KCNT2: variants seen among roughly 807,000 people sequenced by gnomAD.
KCNT2 encodes potassium sodium-activated channel subfamily T member 2.
In KCNT2, 67 loss-of-function variants were observed where a neutral mutation model predicts 153.8. That is an observed-to-expected ratio of 0.44 (90% CI 0.36 to 0.53). The LOEUF is 0.53. Ranked by LOEUF, KCNT2 falls within the 20% of genes least tolerant of loss-of-function variation. The probability of loss-of-function intolerance (pLI) is 0.00; values close to 1 mark genes in which losing one functional copy is unlikely to be tolerated. For synonymous variants in KCNT2, 500 were observed against 458.8 expected (o/e 1.09, Z -1.15); for missense variants, 975 against 1,354.8 (o/e 0.72, Z 4.40).
At chr1:196,388,131 C>T (rs1670156970) in intron 13 of KCNT2, among the ~76,000 whole-genome samples, 1 of 151,488 alleles carries the variant, frequency 6.6e-6, no homozygotes, top group East Asian at 1.9e-4. Flanking sequence ...ACATTTTTTC[C>T]AGAAGGATAT....
intron 25 of KCNT2, among the ~76,000 whole-genome samples, chr1:196,275,510 A>G (rs907504435): frequency 1.3e-5 from 2 of 151,878 alleles, no homozygotes; most frequent in Middle Eastern, 3.2e-3. Flanking sequence ...TTGATTATCA[A>G]TGTTCTTTAC....
chr1:196,354,218 A>G (rs1160857695), intron 14 of KCNT2, among the ~76,000 whole-genome samples: 1 of 151,870 alleles, frequency 6.6e-6, no homozygotes, highest in South Asian at 2.1e-4. Context: ...ATTGTAAAAT[A>G]TAATCATTAG....
chr1:196,466,997 C>T (rs1435460206), intron 7 of KCNT2, among the ~76,000 whole-genome samples: 1 of 151,952 alleles, frequency 6.6e-6, no homozygotes, highest in Non-Finnish European at 1.5e-5. Flanking sequence ...ACTCACAACC[C>T]CGCTCAAGCA....
chr1:196,249,766 ACT>A, intron 26 of KCNT2, among the ~76,000 whole-genome samples: 1 of 151,278 alleles, frequency 6.6e-6, no homozygotes, highest in East Asian at 1.9e-4. Context: ...CAAGAGTGAG[ACT>A]CTGTCTCAAA....
Position 196,489,837 on chromosome 1 carries a change from C to A in KCNT2, c.275+1G>T. ...TTGAAGGTCAGAAAAAGGTACCTTA[C>A]CATTCATTTCCTTGTGAAGGGTTTT... On this transcript the variant is annotated splice_donor_variant, in intron 3 of 27. Transcript: ENST00000294725. LOFTEE classifies it high-confidence loss of function. 6.9e-7 allele frequency: 1 copy of A among 1,447,794 alleles called. No homozygotes were observed. Among genetic ancestry groups the A allele is most frequent in the Admixed American group, 2.0e-5 (1 of 49,734 alleles). The allele number at this position is 1,447,794 out of a possible 1,614,324, so 89.7% of individuals were successfully genotyped here.
In KCNT2 at chr1:196,473,962, A is replaced by C. The variant is rs1315434959; in HGVS notation, c.385-4894T>G. Among the ~76,000 whole-genome samples the C allele has an allele frequency of 3.9e-5, 6 of 152,136 alleles. No homozygotes were observed. In the East Asian group the frequency reaches 5.8e-4, roughly 15 times the overall value. ...TTTCATGAAGGAGATAAAAAGCATT[A>C]TTCTTCTTCCAAAAAGTAACTTCTT... On this transcript the variant is annotated intron_variant, in intron 5 of 27. Coordinates refer to ENST00000294725, the MANE Select transcript of KCNT2 (RefSeq NM_198503.5).
intron 22 of KCNT2, among the ~76,000 whole-genome samples, chr1:196,301,233 T>C (rs936517331): frequency 7.2e-5 from 11 of 152,188 alleles, no homozygotes; most frequent in African/African-American, 2.7e-4. Context: ...TCATTTACTA[T>C]GTGTCCCCCC....
chr1:196,249,173 C>T (rs1655727596), intron 26 of KCNT2, among the ~76,000 whole-genome samples: 1 of 151,962 alleles, frequency 6.6e-6, no homozygotes, highest in African/African-American at 2.4e-5. Context: ...AAAACCATAA[C>T]AACAGATGCA....
intron 11 of KCNT2, 130 bp downstream of exon 11, chr1:196,425,722 G>C: frequency 2.3e-6 from 2 of 865,988 alleles, no homozygotes; most frequent in African/African-American, 3.4e-5. Context: ...GAGGGACTAA[G>C]GCAAGAGTCT....
intron 12 of KCNT2, among the ~76,000 whole-genome samples, chr1:196,402,243 A>G (rs942684078): frequency 4.6e-5 from 7 of 151,628 alleles, no homozygotes; most frequent in Non-Finnish European, 7.4e-5. Flanking sequence ...AAATAAAACA[A>G]GAGTAACAAA....
At chr1:196,423,522 C>G (rs544320658) in intron 11 of KCNT2, among the ~76,000 whole-genome samples, 1 of 151,734 alleles carries the variant, frequency 6.6e-6, no homozygotes, top group East Asian at 1.9e-4. Flanking sequence ...ATAAGTAAAA[C>G]TCTAGTTTGT....
rs184398044 is a variant in KCNT2, at chr1:196,285,904, T to G, written c.2596-146A>C. 1.3e-4 allele frequency: 78 copies of G among 593,280 alleles called. No homozygotes were observed. The East Asian group carries it at 2.1e-3, about 16-fold the overall frequency. The allele number at this position is 593,280 out of a possible 1,614,324, so 36.8% of individuals were successfully genotyped here. A position where few individuals can be genotyped will look rare whatever the true frequency, so the allele number is the denominator to read the frequency against. ...TGTCATTACTTCACTGATAATCATA[T>G]TTTTTAAACTGCCCTTTCGTTTTGC... On this transcript the variant is annotated intron_variant, in intron 22 of 27. Coordinates refer to ENST00000294725, the MANE Select transcript of KCNT2 (RefSeq NM_198503.5).
chr1:196,547,913 T>C (rs189002593), intron 1 of KCNT2, among the ~76,000 whole-genome samples: 252 of 151,964 alleles, frequency 1.7e-3, no homozygotes, highest in African/African-American at 5.9e-3. Context: ...ATTTCAGATA[T>C]AAATCAGCTA....
chr1:196,584,959 C>T (rs888441909), intron 1 of KCNT2, among the ~76,000 whole-genome samples: 10 of 151,972 alleles, frequency 6.6e-5, no homozygotes, highest in African/African-American at 9.7e-5. Context: ...TTCCAGTAGG[C>T]GTGGGTCCCA....
chr1:196,309,036 C>T (rs1257386765), intron 21 of KCNT2, among the ~76,000 whole-genome samples: 1 of 151,674 alleles, frequency 6.6e-6, no homozygotes, highest in Admixed American at 6.6e-5. Context: ...TAAAAATTCA[C>T]CAATTATAAG....
intron 1 of KCNT2, among the ~76,000 whole-genome samples, chr1:196,544,176 C>T (rs903629253): frequency 1.3e-5 from 2 of 152,068 alleles, no homozygotes; most frequent in African/African-American, 2.4e-5. Flanking sequence ...GATCACATCA[C>T]AAATTTTAAA....
intron 26 of KCNT2, among the ~76,000 whole-genome samples, chr1:196,253,526 T>A (rs1167050497): frequency 1.3e-5 from 2 of 151,616 alleles, no homozygotes. Context: ...TTGATTTATT[T>A]TTATACTGGT....
At chr1:196,524,324 T>G (rs1223037401) in intron 1 of KCNT2, among the ~76,000 whole-genome samples, 2 of 151,896 alleles carry the variant, frequency 1.3e-5, no homozygotes, top group African/African-American at 2.4e-5. Flanking sequence ...TGAATGAGAA[T>G]GGGGTGGAGA....
At chr1:196,432,974 A>G (rs774682870) in intron 8 of KCNT2, among the ~76,000 whole-genome samples, 14 of 152,118 alleles carry the variant, frequency 9.2e-5, no homozygotes, top group Non-Finnish European at 2.1e-4. Context: ...ACAAGGCAAC[A>G]TTATTAAGAA....
Sources: allele counts gnomAD v4.1 joint callset (sites outside exome capture counted in the v4.1 genomes callset), GRCh38; gene constraint gnomAD v4.1.1; transcripts MANE v1.5; gene names NCBI Gene and HGNC (gene_info 2026-07-23, HGNC 2026-07-21).